The following AOPEP variants were observed in gnomAD, a reference collection of about 807,000 sequenced individuals.
The protein encoded by AOPEP is aminopeptidase O (putative).
In AOPEP, 77 loss-of-function variants were observed where a neutral mutation model predicts 98.1. The observed-to-expected ratio is 0.78, with a 90% CI of 0.65 to 0.95. The LOEUF (loss-of-function observed/expected upper bound fraction) is 0.95. AOPEP is among the 40% of genes least tolerant of loss of function. The pLI is 0.00. For missense variants in AOPEP, 1,024 were observed against 1,024.7 expected, an observed-to-expected ratio of 1.00 and a Z score of 0.01; for synonymous variants, 346 against 365.3, an observed-to-expected ratio of 0.95 and a Z score of 0.60.
At chr9:95,032,022 C>T (rs1340420209) in intron 13 of AOPEP, among the ~76,000 whole-genome samples, 3 of 152,178 alleles carry the variant, frequency 2.0e-5, no homozygotes, top group Non-Finnish European at 4.4e-5. Context: ...TTTGTGGTTT[C>T]TCTCATCCTG....
chr9:95,099,654 G>C, the AOPEP span: 2 of 231,574 alleles, frequency 8.6e-6, no homozygotes. Flanking sequence ...CATGAAGCCA[G>C]CAGGCACTTC....
chr9:95,021,379 C>A (rs567808313), intron 13 of AOPEP, among the ~76,000 whole-genome samples: 2 of 152,338 alleles, frequency 1.3e-5, no homozygotes, highest in South Asian at 4.1e-4. Context: ...TTCCTCTCCT[C>A]CTTCTTAGCA....
intron 3 of AOPEP, among the ~76,000 whole-genome samples, chr9:94,782,057 G>A (rs1843390082): frequency 6.6e-6 from 1 of 151,576 alleles, no homozygotes; most frequent in Non-Finnish European, 1.5e-5. Context: ...GCCGGGCGTG[G>A]TGGCAGGCGC....
chr9:94,741,134 G>C (rs1832977162), intron 1 of AOPEP, among the ~76,000 whole-genome samples: 1 of 152,124 alleles, frequency 6.6e-6, no homozygotes, highest in Admixed American at 6.5e-5. Flanking sequence ...GTAATAGAAG[G>C]TTGGTCTGAT....
the AOPEP span, among the ~76,000 whole-genome samples, chr9:95,093,944 T>C: frequency 1.3e-5 from 2 of 152,208 alleles, no homozygotes; most frequent in Non-Finnish European, 2.9e-5. Flanking sequence ...TCAGCTGACT[T>C]TGTTGGGTCA....
intron 13 of AOPEP, among the ~76,000 whole-genome samples, chr9:95,015,535 ATAGTT>A (rs1564525977): frequency 6.6e-6 from 1 of 152,240 alleles, no homozygotes; most frequent in African/African-American, 2.4e-5. Flanking sequence ...GATGAATAGA[ATAGTT>A]TATAGTTAGA....
chr9:95,083,615 C>T (rs540208467), intron 16 of AOPEP, among the ~76,000 whole-genome samples: 9 of 151,534 alleles, frequency 5.9e-5, no homozygotes, highest in Admixed American at 6.6e-5. Context: ...ACACGTAGCG[C>T]GCACACTGCA....
intron 5 of AOPEP, among the ~76,000 whole-genome samples, chr9:94,869,971 A>ATTTTTT (rs10556167): frequency 1.1e-4 from 10 of 93,570 alleles, no homozygotes; most frequent in African/African-American, 3.9e-4. Flanking sequence ...GAAGCCATGA[A>ATTTTTT]TTTTTTTTTT....
At chr9:94,879,892 G>A (rs2047370441) in intron 5 of AOPEP, among the ~76,000 whole-genome samples, 1 of 152,174 alleles carries the variant, frequency 6.6e-6, no homozygotes, top group Non-Finnish European at 1.5e-5. Context: ...GATGAGTTGT[G>A]GAGTGCAGGC....
At chr9:95,013,236 C>T (rs1396557668) in intron 13 of AOPEP, among the ~76,000 whole-genome samples, 1 of 151,706 alleles carries the variant, frequency 6.6e-6, no homozygotes, top group Non-Finnish European at 1.5e-5. Flanking sequence ...AAGTATTATC[C>T]TTTTTTGGCA....
chr9:94,826,026 A>T (rs1013862498), intron 5 of AOPEP, among the ~76,000 whole-genome samples: 1 of 152,288 alleles, frequency 6.6e-6, no homozygotes, highest in Admixed American at 6.5e-5. Context: ...ATATTTTTTT[A>T]ATGTGGACAA....
chr9:95,005,582 G>A lies in AOPEP; in HGVS notation c.2081G>A (p.Arg694Gln). 2 of 1,614,024 alleles carry A rather than the reference G, an allele frequency of 1.2e-6. No individual in the cohort carries two copies. The highest frequency in any genetic ancestry group is 1.7e-6 in the Non-Finnish European group (2 of 1,179,938). ...WIGVNRRPRK[R>Q]KRREKEEVFE... ...GGAGTGAACCGGAGACCCCGAAAAC[G>A]GAAGCGCAGGGAGAAGGAAGAGGTG... is the stretch of plus-strand genomic sequence containing the variant. Residue 694 changes from arginine (R) to glutamine (Q), a missense_variant, in exon 13 of 17, where the codon CGG becomes CAG. Transcript: ENST00000375315.
At chr9:94,868,356 T>C (rs1483756880) in intron 5 of AOPEP, among the ~76,000 whole-genome samples, 3 of 152,208 alleles carry the variant, frequency 2.0e-5, no homozygotes, top group Non-Finnish European at 4.4e-5. Flanking sequence ...TCAAGGACTG[T>C]GCTTGCTGAC....
intron 13 of AOPEP, among the ~76,000 whole-genome samples, chr9:95,014,403 C>T (rs1373053172): frequency 6.6e-6 from 1 of 151,666 alleles, no homozygotes; most frequent in Admixed American, 6.6e-5. Flanking sequence ...GCCTGGGAGG[C>T]GAATGTTGCT....
At chr9:95,085,928 A>G (rs2070617946) in intron 16 of AOPEP, 2 of 1,271,164 alleles carry the variant, frequency 1.6e-6, no homozygotes, top group Non-Finnish European at 2.0e-6. Context: ...TTGTATTTGC[A>G]GTCCAGGCCT....
In AOPEP at chr9:94,980,590, T is replaced by TA. The variant is rs1466947623; in HGVS notation, c.1977+1169dup. 2.0e-5 allele frequency among the ~76,000 whole-genome samples: 3 copies of TA among 152,192 alleles called. No homozygotes were observed. The highest frequency in any genetic ancestry group is 7.2e-5 in the African/African-American group (3 of 41,446). On this transcript the variant is annotated intron_variant, in intron 11 of 16. Coordinates refer to ENST00000375315, the MANE Select transcript of AOPEP (RefSeq NM_001193329.3). This position sits in a 1 kb window ranked among gnomAD's most constrained non-coding sequence, Gnocchi z 4.3. Reference sequence around the variant, plus strand: ...CCATCAGCAACCATAAGCTCATTCCTAAAAAAGGACAGTTTGCCTTCAGTT... The same window carrying TA: ...CCATCAGCAACCATAAGCTCATTCCTAAAAAAAGGACAGTTTGCCTTCAGTT...
intron 5 of AOPEP, among the ~76,000 whole-genome samples, chr9:94,835,375 CT>C (rs2041463624): frequency 6.6e-6 from 1 of 152,210 alleles, no homozygotes; most frequent in East Asian, 1.9e-4. Context: ...TGGTCTGTCT[CT>C]TCCTAACCTT....
At chr9:95,032,840 C>T (rs1410348610) in intron 13 of AOPEP, among the ~76,000 whole-genome samples, 3 of 152,168 alleles carry the variant, frequency 2.0e-5, no homozygotes, top group African/African-American at 2.4e-5. Context: ...TGTTACAGGA[C>T]GTGCAGCCCT....
intron 5 of AOPEP, among the ~76,000 whole-genome samples, chr9:94,923,331 CTTCT>C (rs1444415198): frequency 6.6e-6 from 1 of 152,188 alleles, no homozygotes; most frequent in Non-Finnish European, 1.5e-5. Context: ...AACTCCCTGC[CTTCT>C]TTCTGTCAGC....
Sources: allele counts gnomAD v4.1 joint callset (sites outside exome capture counted in the v4.1 genomes callset), GRCh38; gene constraint gnomAD v4.1.1; non-coding constraint Gnocchi (gnomAD v3.1); transcripts MANE v1.5; gene names NCBI Gene and HGNC (gene_info 2026-07-23, HGNC 2026-07-21).